The following WLS variants were observed in gnomAD, a reference collection of about 807,000 sequenced individuals.
WLS encodes the protein protein wntless homolog.
A neutral mutation model predicts 62.8 loss-of-function variants in WLS; 23 were observed. The observed-to-expected ratio is 0.37, with a 90% CI of 0.26 to 0.52. WLS has a LOEUF of 0.52. WLS is among the 20% of genes least tolerant of loss of function. The pLI is 0.92. For synonymous variants in WLS, 246 were observed against 244.1 expected, an observed-to-expected ratio of 1.01 and a Z score of -0.07; for missense variants, 615 against 697.3, an observed-to-expected ratio of 0.88 and a Z score of 1.33.
intron 2 of WLS, 100 bp downstream of exon 2, chr1:68,193,855 T>C: frequency 6.9e-7 from 1 of 1,458,124 alleles, no homozygotes; most frequent in Non-Finnish European, 9.3e-7. Context: ...TGTTTGCTAT[T>C]ACTATTACCA....
chr1:68,197,319 GA>G (rs35027324), intron 1 of WLS, among the ~76,000 whole-genome samples: 19,003 of 151,634 alleles, frequency 0.13, 1,672 homozygotes, highest in African/African-American at 0.25. Flanking sequence ...CTTCTATAAA[GA>G]AAAAAAATCC....
At chr1:68,110,338 T>A (rs1389847411) in intron 11 of WLS, among the ~76,000 whole-genome samples, 1 of 152,088 alleles carries the variant, frequency 6.6e-6, no homozygotes, top group Non-Finnish European at 1.5e-5. Flanking sequence ...CAGAAAAATA[T>A]AACTTGTGAA....
At position 68,139,512 on chromosome 1, in the gene WLS, G is replaced by A. The variant is rs371843861; in HGVS notation, c.1363-1579C>T. 7.9e-5 allele frequency among the ~76,000 whole-genome samples: 12 copies of A among 152,282 alleles called. 1 individual carries two copies. Among genetic ancestry groups the A allele is most frequent in the African/African-American group, 2.9e-4 (12 of 41,556 alleles). ...TATGTGATTAAGGAGGGGAGGCTAG[G>A]CTGTCACGCATCCTAGCTGCAAGAG... On this transcript the variant is annotated intron_variant, in intron 10 of 11. Transcript: ENST00000262348.
chr1:68,118,825 C>T (rs1175569842), intron 11 of WLS, among the ~76,000 whole-genome samples: 4 of 134,940 alleles, frequency 3.0e-5, no homozygotes, highest in Non-Finnish European at 4.6e-5. Flanking sequence ...TGTAGTGAGC[C>T]GAGATCACGC....
chr1:68,172,824 A>ACTAATT (rs1647174740), intron 2 of WLS, among the ~76,000 whole-genome samples: 4 of 152,214 alleles, frequency 2.6e-5, no homozygotes, highest in Admixed American at 2.0e-4. Context: ...AGGGAAAGCA[A>ACTAATT]CTAATTCAAT....
intron 1 of WLS, among the ~76,000 whole-genome samples, chr1:68,210,919 A>T: frequency 6.6e-6 from 1 of 152,184 alleles, no homozygotes; most frequent in East Asian, 1.9e-4. Flanking sequence ...ACAGAAAAAA[A>T]CCCACCAAGA....
At chr1:68,129,588 CTA>C (rs146776789) in intron 11 of WLS, among the ~76,000 whole-genome samples, 12,821 of 152,212 alleles carry the variant, frequency 0.084, 677 homozygotes, top group East Asian at 0.25. Context: ...GCACCAAAAT[CTA>C]TGTTTCACAT....
intron 11 of WLS, among the ~76,000 whole-genome samples, chr1:68,132,237 G>C (rs889491248): frequency 2.0e-5 from 3 of 152,196 alleles, no homozygotes; most frequent in African/African-American, 7.2e-5. Flanking sequence ...AGCAAGGGGT[G>C]CCAGGCTGGT....
At chr1:68,131,472 G>A (rs373942680) in intron 11 of WLS, among the ~76,000 whole-genome samples, 132 of 151,858 alleles carry the variant, frequency 8.7e-4, no homozygotes, top group Non-Finnish European at 1.5e-3. Context: ...AGTGGCTTTG[G>A]TGGACAGGGT....
In WLS at chr1:68,150,293, G is replaced by A. The variant is rs143162435; in HGVS notation, c.867C>T (p.Ile289=). 96 of 1,614,178 alleles carry A rather than the reference G, an allele frequency of 5.9e-5. No individual in the cohort carries two copies. In the African/African-American group the frequency reaches 6.0e-4, roughly 10 times the overall value. Residue 289 remains isoleucine (I), a synonymous_variant, in exon 6 of 12, where the codon ATC becomes ATT. Transcript: ENST00000262348. Reference sequence around the variant, plus strand: ...GCAGCATCCAGGTCCAGTCAAACCCGATGGAAAACCATTCCACTGGGATAT... The same window carrying A: ...GCAGCATCCAGGTCCAGTCAAACCCAATGGAAAACCATTCCACTGGGATAT... ...FINIPVEWFS[I]GFDWTWMLLF... is the part of the protein sequence containing the mutation.
At chr1:68,106,178 A>AAT (rs1206349129) in intron 11 of WLS, among the ~76,000 whole-genome samples, 1 of 152,176 alleles carries the variant, frequency 6.6e-6, no homozygotes, top group Non-Finnish European at 1.5e-5. Context: ...ATACATCCAT[A>AAT]ATATATATAC....
At chr1:68,113,004 C>G (rs1646247440) in intron 11 of WLS, among the ~76,000 whole-genome samples, 1 of 152,206 alleles carries the variant, frequency 6.6e-6, no homozygotes. Flanking sequence ...TGCCCACGAA[C>G]TTGGCTTGGA....
chr1:68,148,323 T>G, intron 7 of WLS, 124 bp from the exon 8 acceptor site: 1 of 1,069,014 alleles, frequency 9.4e-7, no homozygotes, highest in Non-Finnish European at 1.4e-6. Flanking sequence ...CTAAAAAACA[T>G]TACAGAAATC....
chr1:68,129,346 T>C (rs1244809305), intron 11 of WLS, among the ~76,000 whole-genome samples: 1 of 152,042 alleles, frequency 6.6e-6, no homozygotes, highest in East Asian at 1.9e-4. Context: ...AAACTACACA[T>C]AAAATAATTT....
intron 10 of WLS, among the ~76,000 whole-genome samples, chr1:68,141,123 G>T (rs1646680035): frequency 6.6e-6 from 1 of 152,106 alleles, no homozygotes; most frequent in Admixed American, 6.5e-5. Flanking sequence ...GCCAAGTGAA[G>T]GTCAAATCTC....
At chr1:68,231,609 G>A (rs1232548836) in intron 1 of WLS, 3 of 401,176 alleles carry the variant, frequency 7.5e-6, no homozygotes, top group Non-Finnish European at 1.5e-5. Context: ...AGAGCGTGGG[G>A]TGGAGTGCGG....
At chr1:68,187,225 T>C (rs1435366290) in intron 2 of WLS, among the ~76,000 whole-genome samples, 1 of 113,068 alleles carries the variant, frequency 8.8e-6, no homozygotes, top group Non-Finnish European at 1.8e-5. Context: ...GCAGCCAAAA[T>C]GTGTTGCTGC....
chr1:68,125,058 T>C (rs1374354931), downstream of WLS, among the ~76,000 whole-genome samples: 1 of 152,172 alleles, frequency 6.6e-6, no homozygotes, highest in East Asian at 1.9e-4. Flanking sequence ...CTATCTCCAG[T>C]GCAAGTGTTA....
intron 11 of WLS, among the ~76,000 whole-genome samples, chr1:68,129,983 C>T (rs1557461874): frequency 6.6e-6 from 1 of 152,200 alleles, no homozygotes; most frequent in African/African-American, 2.4e-5. Context: ...TTCTTCCTAA[C>T]CTTGTGAAAT....
Sources: gnomAD v4.1 joint callset for allele counts (sites outside exome capture counted in the v4.1 genomes callset) on GRCh38, gnomAD v4.1.1 for gene constraint, MANE v1.5 for transcripts, NCBI Gene and HGNC (gene_info 2026-07-23, HGNC 2026-07-21) for gene names.